The following B3GAT2 variants were observed in gnomAD, a reference collection of about 807,000 sequenced individuals.
B3GAT2 encodes galactosylgalactosylxylosylprotein 3-beta-glucuronosyltransferase 2.
B3GAT2 carries 26 observed loss-of-function variants against 27.8 expected under a neutral mutation model. The ratio of observed to expected loss-of-function variants is 0.93; its 90% CI spans 0.68 to 1.30. B3GAT2 has a LOEUF of 1.30. Ranked by LOEUF, B3GAT2 falls within the 50% of genes most tolerant of loss-of-function variation. B3GAT2 has a pLI of 0.00. For missense variants in B3GAT2, 458 were observed against 459.0 expected, an observed-to-expected ratio of 1.00 and a Z score of 0.02; for synonymous variants, 218 against 195.1, an observed-to-expected ratio of 1.12 and a Z score of -0.98.
At chr6:70,912,426 A>G (rs544406161) in intron 1 of B3GAT2, among the ~76,000 whole-genome samples, 3 of 152,268 alleles carry the variant, frequency 2.0e-5, no homozygotes, top group Admixed American at 2.0e-4. Context: ...GTGATGAATC[A>G]TATTTATTGA....
intron 1 of B3GAT2, among the ~76,000 whole-genome samples, chr6:70,950,565 C>G (rs1423725684): frequency 6.6e-6 from 1 of 152,162 alleles, no homozygotes; most frequent in Non-Finnish European, 1.5e-5. Flanking sequence ...AAAATTCTAT[C>G]TCTGCCACAT....
intron 2 of B3GAT2, among the ~76,000 whole-genome samples, chr6:70,887,596 C>A (rs1442529251): frequency 1.3e-5 from 2 of 152,164 alleles, no homozygotes; most frequent in Non-Finnish European, 2.9e-5. Context: ...CTTCTGCCTA[C>A]AGGAAGGATG....
intron 1 of B3GAT2, among the ~76,000 whole-genome samples, chr6:70,948,767 T>C (rs1765532613): frequency 6.6e-6 from 1 of 152,206 alleles, no homozygotes; most frequent in Non-Finnish European, 1.5e-5. Context: ...AGAACCCACA[T>C]CGTCAAGTCA....
rs757632050 is a variant in B3GAT2 at position 70,956,264 on chromosome 6, TGCGGAGCGGGAGTCGGGCGCCCCC to T, written c.142_165del (p.Gly48_Arg55del). ...TGGGTCCCGTGAGCCGGGCCGCCCCTGCGGAGCGGGAGTCGGGCGCCCCCGCGGCCCACCGCGTAGGGAGAGAAG... is the reference window on the plus strand; with the variant it reads ...TGGGTCCCGTGAGCCGGGCCGCCCCTGCGGCCCACCGCGTAGGGAGAGAAG... On this transcript the variant is annotated inframe_deletion, in exon 1 of 4. Transcript: ENST00000230053. 6.2e-7 allele frequency: 1 copy of T among 1,610,498 alleles called. No homozygotes were observed. The highest frequency in any genetic ancestry group is 8.5e-7 in the Non-Finnish European group (1 of 1,178,188).
intron 2 of B3GAT2, among the ~76,000 whole-genome samples, chr6:70,892,717 C>T (rs9294881): frequency 0.27 from 40,764 of 152,040 alleles, 5,962 homozygotes; most frequent in East Asian, 0.44. Flanking sequence ...AAGGACTTTC[C>T]CTAATGTTGT....
chr6:70,869,823 A>T (rs1286088955), intron 2 of B3GAT2, among the ~76,000 whole-genome samples: 2 of 152,160 alleles, frequency 1.3e-5, no homozygotes, highest in Non-Finnish European at 2.9e-5. Flanking sequence ...GAGAAATGCA[A>T]ATCAAAACCA....
At chr6:70,920,198 G>A (rs191369641) in intron 1 of B3GAT2, among the ~76,000 whole-genome samples, 1 of 152,354 alleles carries the variant, frequency 6.6e-6, no homozygotes, top group East Asian at 1.9e-4. Flanking sequence ...CTAGCAGTGA[G>A]CAAGGCACCA....
At chr6:70,928,622 C>T (rs1441785012) in intron 1 of B3GAT2, among the ~76,000 whole-genome samples, 1 of 152,124 alleles carries the variant, frequency 6.6e-6, no homozygotes, top group East Asian at 1.9e-4. Flanking sequence ...TACAACCTCC[C>T]AAGACTAAAC....
intron 1 of B3GAT2, among the ~76,000 whole-genome samples, chr6:70,942,871 A>G (rs1362745401): frequency 1.3e-5 from 2 of 152,206 alleles, no homozygotes; most frequent in Non-Finnish European, 2.9e-5. Context: ...AATCTCTTAG[A>G]TAACTGAAAT....
At position 70,856,823 on chromosome 6, in the gene B3GAT2, G is replaced by A. The variant is rs374744452; in HGVS notation, c.*4840C>T. 23 of 1,555,464 alleles carry A rather than the reference G, an allele frequency of 1.5e-5. No homozygotes were observed. In the African/African-American group the frequency reaches 2.6e-4, roughly 18 times the overall value. On this transcript the variant is annotated 3_prime_UTR_variant, in exon 4 of 4. Coordinates refer to ENST00000230053, the MANE Select transcript of B3GAT2 (RefSeq NM_080742.3). Reference sequence around the variant, plus strand: ...TAATGGATAAGCTGCGCTTTACTATGCAGAATTTGATAGCTTATTTTGGTG... The same window carrying A: ...TAATGGATAAGCTGCGCTTTACTATACAGAATTTGATAGCTTATTTTGGTG...
Position 70,883,905 on chromosome 6 carries a change from G to A in B3GAT2, c.736+10223C>T, listed in dbSNP as rs1372885572. On this transcript the variant is annotated intron_variant, in intron 2 of 3. Transcript: ENST00000230053. ...TGGAAGACGTATTTTCTATGGAAGT[G>A]ACTCTATTGAGCGTTCCCAAACTCT... 2.0e-5 allele frequency among the ~76,000 whole-genome samples: 3 copies of A among 151,798 alleles called. No homozygotes were observed. In the East Asian group the frequency reaches 5.8e-4, roughly 29 times the overall value.
chr6:70,920,794 C>T (rs1187139929), intron 1 of B3GAT2, among the ~76,000 whole-genome samples: 2 of 152,174 alleles, frequency 1.3e-5, no homozygotes, highest in African/African-American at 4.8e-5. Flanking sequence ...CCATATTTGG[C>T]ACTCACTTAA....
intron 2 of B3GAT2, among the ~76,000 whole-genome samples, chr6:70,892,437 C>T (rs1422322631): frequency 6.6e-6 from 1 of 152,200 alleles, no homozygotes; most frequent in Non-Finnish European, 1.5e-5. Context: ...CTTGCATGAT[C>T]CATGCAAGGA....
In B3GAT2 at chr6:70,861,891, T is replaced by C; in HGVS notation, c.824A>G (p.Asp275Gly). 6.2e-7 allele frequency: 1 copy of C among 1,613,930 alleles called. No individual in the cohort carries two copies. Residue 275 changes from aspartate to glycine, a missense_variant, in exon 3 of 4, where the codon GAC (aspartate) becomes GGC (glycine). By Grantham distance (94) the Asp-to-Gly change is moderately conservative. Transcript: ENST00000230053. The stretch of plus-strand genomic sequence containing the variant: ...GACTGTTGTTATCTGTTTGAGAAAG[T>C]CAGATTCTTGCATCCCTGGCTGGGA... ...RGSQPGMQES[D>G]FLKQITTVEE...
At chr6:70,930,897 C>T (rs995036041) in intron 1 of B3GAT2, among the ~76,000 whole-genome samples, 1 of 152,068 alleles carries the variant, frequency 6.6e-6, no homozygotes. Flanking sequence ...ATGTTTATTG[C>T]GGCACTATTC....
In B3GAT2 at chr6:70,860,682, TAATAG is replaced by T. The variant is rs1019077835; in HGVS notation, c.*976_*980del. On this transcript the variant is annotated 3_prime_UTR_variant, in exon 4 of 4. Coordinates refer to ENST00000230053, the MANE Select transcript of B3GAT2 (RefSeq NM_080742.3). ...GTAGTTATCATGTTAGTAATACCTC[TAATAG>T]TATAAACCCCACCCCAAAATTAGCC... 8.8e-5 allele frequency: 36 copies of T among 409,958 alleles called. No homozygotes were observed. Among genetic ancestry groups the T allele is most frequent in the Middle Eastern group, 6.1e-4 (1 of 1,642 alleles). The allele number at this position is 409,958 out of a possible 1,614,324, so 25.4% of individuals were successfully genotyped here. A position where few individuals can be genotyped will look rare whatever the true frequency, so the allele number is the denominator to read the frequency against.
At chr6:70,937,808 C>T (rs1320924161) in intron 1 of B3GAT2, among the ~76,000 whole-genome samples, 1 of 152,090 alleles carries the variant, frequency 6.6e-6, no homozygotes, top group Non-Finnish European at 1.5e-5. Context: ...ACTGAATGGG[C>T]AAAAACTGGA....
chr6:70,906,652 G>A (rs552387058), intron 1 of B3GAT2, among the ~76,000 whole-genome samples: 106 of 152,246 alleles, frequency 7.0e-4, no homozygotes, highest in Middle Eastern at 3.4e-3. Flanking sequence ...AGCAAGTTTT[G>A]AGAAAAGCAC....
chr6:70,874,544 A>G (rs761539243), intron 2 of B3GAT2, among the ~76,000 whole-genome samples: 3 of 152,212 alleles, frequency 2.0e-5, no homozygotes, highest in African/African-American at 7.2e-5. Context: ...AGCCCTGGGC[A>G]TGCATATAGT....
Sources: allele counts gnomAD v4.1 joint callset (sites outside exome capture counted in the v4.1 genomes callset), GRCh38; gene constraint gnomAD v4.1.1; transcripts MANE v1.5; gene names NCBI Gene and HGNC (gene_info 2026-07-23, HGNC 2026-07-21).